Variants in PCDH15 observed in about 807,000 individuals in gnomAD.
PCDH15 encodes protocadherin-15.
In PCDH15, 129 loss-of-function variants were observed where a neutral mutation model predicts 178.5. That is an observed-to-expected ratio of 0.72 (90% CI 0.63 to 0.84). The LOEUF (loss-of-function observed/expected upper bound fraction) is 0.84. Ranked by LOEUF, PCDH15 falls within the 40% of genes least tolerant of loss-of-function variation. The pLI is 0.00. For synonymous variants in PCDH15, 800 were observed against 732.0 expected (o/e 1.09, Z -1.50); for missense variants, 2,230 against 2,099.9 (o/e 1.06, Z -1.21).
intron 3 of PCDH15, among the ~76,000 whole-genome samples, chr10:54,858,148 AT>A (rs1953773707): frequency 6.6e-6 from 1 of 152,180 alleles, no homozygotes; most frequent in Non-Finnish European, 1.5e-5. Flanking sequence ...CAAAGTATAG[AT>A]GTGCTCATTC....
At chr10:54,573,883 T>TA (rs534275671) in intron 2 of PCDH15, among the ~76,000 whole-genome samples, 237 of 152,204 alleles carry the variant, frequency 1.6e-3, no homozygotes, top group Non-Finnish European at 2.4e-3. Context: ...ATCCTTTATT[T>TA]AAAAAAAATT....
intron 2 of PCDH15, among the ~76,000 whole-genome samples, chr10:55,148,084 C>G (rs558290869): frequency 1.9e-4 from 28 of 147,350 alleles, no homozygotes; most frequent in African/African-American, 6.0e-4. Context: ...AATATTTTAA[C>G]AGAAAAAAAT....
chr10:54,336,908 G>C (rs1265511626), intron 6 of PCDH15, among the ~76,000 whole-genome samples: 9 of 152,148 alleles, frequency 5.9e-5, no homozygotes, highest in Non-Finnish European at 1.3e-4. Flanking sequence ...CAGCCAGGAG[G>C]GAGGCTGTAC....
intron 14 of PCDH15, among the ~76,000 whole-genome samples, chr10:54,136,071 A>G (rs2042876396): frequency 6.6e-6 from 1 of 152,154 alleles, no homozygotes; most frequent in Admixed American, 6.5e-5. Flanking sequence ...TACTGTAGAT[A>G]TTTTAATTGA....
chr10:54,298,778 C>T (rs989706825), intron 8 of PCDH15, among the ~76,000 whole-genome samples: 4 of 152,350 alleles, frequency 2.6e-5, no homozygotes, highest in African/African-American at 9.6e-5. Flanking sequence ...GCATAGCCTT[C>T]TCAGTGTTAA....
intron 35 of PCDH15, among the ~76,000 whole-genome samples, chr10:53,815,851 A>C (rs1193533651): frequency 6.6e-6 from 1 of 152,198 alleles, no homozygotes; most frequent in Non-Finnish European, 1.5e-5. Context: ...ATATTTAAGT[A>C]CAGATATCAG....
chr10:54,430,959 A>G (rs1956895667), intron 3 of PCDH15, among the ~76,000 whole-genome samples: 1 of 152,168 alleles, frequency 6.6e-6, no homozygotes, highest in Non-Finnish European at 1.5e-5. Context: ...AATTCAAAGG[A>G]TAACTACTGG....
chr10:54,378,299 A>T (rs1948741618), intron 4 of PCDH15, among the ~76,000 whole-genome samples: 1 of 136,814 alleles, frequency 7.3e-6, no homozygotes, highest in African/African-American at 2.5e-5. Context: ...TTACCATGAA[A>T]CTTTTTCTCA....
chr10:55,075,365 A>AT (rs1564774784), intron 2 of PCDH15, among the ~76,000 whole-genome samples: 6 of 106,830 alleles, frequency 5.6e-5, no homozygotes, highest in Middle Eastern at 0.011. Flanking sequence ...ATTTTGTTTA[A>AT]ATTTTTTTTT....
chr10:54,694,890 T>G (rs1475811985), intron 1 of PCDH15, among the ~76,000 whole-genome samples: 1 of 151,932 alleles, frequency 6.6e-6, no homozygotes, highest in East Asian at 1.9e-4. Context: ...TAAATAAGCT[T>G]AGTGAGAAAG....
At chr10:54,353,190 T>C (rs1207487340) in intron 5 of PCDH15, among the ~76,000 whole-genome samples, 2 of 152,196 alleles carry the variant, frequency 1.3e-5, no homozygotes, top group Non-Finnish European at 2.9e-5. Context: ...AAATATAACA[T>C]TTGTTTTATT....
intron 1 of PCDH15, among the ~76,000 whole-genome samples, chr10:54,741,660 TC>T (rs1591387918): frequency 6.6e-6 from 1 of 152,156 alleles, no homozygotes; most frequent in East Asian, 1.9e-4. Flanking sequence ...TGAGGCAGAA[TC>T]CATTTATTTG....
At chr10:55,221,240 G>A (rs1466485496) in intron 1 of PCDH15, among the ~76,000 whole-genome samples, 2 of 152,112 alleles carry the variant, frequency 1.3e-5, no homozygotes, top group Admixed American at 6.5e-5. Context: ...TCAGAATGTG[G>A]TTGTCTCTGG....
At chr10:53,915,135 AT>A (rs2083430341) in intron 25 of PCDH15, among the ~76,000 whole-genome samples, 1 of 152,218 alleles carries the variant, frequency 6.6e-6, no homozygotes, top group Non-Finnish European at 1.5e-5. Context: ...TAATTTGTGT[AT>A]TTTTAAGTTA....
In PCDH15 at chr10:53,804,012, C is replaced by T. The variant is rs1265803090; in HGVS notation, c.*2567G>A. 1 of 151,896 alleles carries T rather than the reference C, an allele frequency of 6.6e-6. No individual in the cohort carries two copies. Among genetic ancestry groups the T allele is most frequent in the African/African-American group, 2.4e-5 (1 of 41,380 alleles). The allele number at this position is 151,896 out of a possible 1,614,324, so 9.4% of individuals were successfully genotyped here. On this transcript the variant is annotated 3_prime_UTR_variant, in exon 38 of 38. Transcript: ENST00000644397. ...TTCCTCTGGGTTCCACAGTTTTAAT[C>T]CTGAGTCAGGGATTTATAGACTAGT...
chr10:54,861,517 C>T (rs1953842838), intron 3 of PCDH15, among the ~76,000 whole-genome samples: 2 of 152,178 alleles, frequency 1.3e-5, no homozygotes, highest in East Asian at 3.9e-4. Flanking sequence ...GATGGATTCA[C>T]AGCCATATCA....
chr10:55,348,826 C>T (rs1844832112), intron 2 of PCDH15, among the ~76,000 whole-genome samples: 1 of 152,092 alleles, frequency 6.6e-6, no homozygotes, highest in African/African-American at 2.4e-5. Flanking sequence ...CAGATTACCT[C>T]CATGCTGCAT....
intron 6 of PCDH15, among the ~76,000 whole-genome samples, chr10:54,344,864 G>A (rs1240366031): frequency 9.0e-6 from 1 of 111,396 alleles, no homozygotes; most frequent in Non-Finnish European, 1.7e-5. Flanking sequence ...TGGTTTTATT[G>A]TCTCTGCCTA....
intron 2 of PCDH15, among the ~76,000 whole-genome samples, chr10:54,953,812 G>T (rs1013937850): frequency 3.3e-5 from 5 of 150,954 alleles, no homozygotes; most frequent in African/African-American, 9.7e-5. Context: ...TAAGGACAAT[G>T]AAATATTTTA....
Sources: gnomAD v4.1 joint callset for allele counts (sites outside exome capture counted in the v4.1 genomes callset) on GRCh38, gnomAD v4.1.1 for gene constraint, MANE v1.5 for transcripts, NCBI Gene and HGNC (gene_info 2026-07-23, HGNC 2026-07-21) for gene names.